Variants in CLVS2 observed in about 807,000 individuals in gnomAD.
CLVS2 encodes the protein clavesin 2.
A neutral mutation model predicts 29.0 loss-of-function variants in CLVS2; 19 were observed. The ratio of observed to expected loss-of-function variants is 0.66; its 90% CI spans 0.46 to 0.96. CLVS2 has a LOEUF of 0.96. Ranked by LOEUF, CLVS2 falls within the 40% of genes least tolerant of loss-of-function variation. CLVS2 has a pLI of 0.00. For synonymous variants in CLVS2, 161 were observed against 151.3 expected (o/e 1.06, Z -0.47); for missense variants, 294 against 404.1 (o/e 0.73, Z 2.34).
chr6:123,051,742 A>C (rs1772615140), intron 4 of CLVS2, among the ~76,000 whole-genome samples: 1 of 152,198 alleles, frequency 6.6e-6, no homozygotes, highest in African/African-American at 2.4e-5. Context: ...AGAAAAGTAA[A>C]ATAAAAAATG....
At chr6:123,046,669 AAAAAT>A (rs1266928027) in intron 3 of CLVS2, among the ~76,000 whole-genome samples, 3 of 151,754 alleles carry the variant, frequency 2.0e-5, no homozygotes, top group Non-Finnish European at 2.9e-5. Flanking sequence ...AAAAAAAAAA[AAAAAT>A]AATAATAATA....
At chr6:123,047,571 G>C (rs1264162807) in intron 3 of CLVS2, among the ~76,000 whole-genome samples, 1 of 151,924 alleles carries the variant, frequency 6.6e-6, no homozygotes, top group Non-Finnish European at 1.5e-5. Context: ...TTTTTATAGG[G>C]TTATGCCCTG....
Position 123,005,598 on chromosome 6 carries a change from C to T in CLVS2, c.390-5387C>T, listed in dbSNP as rs183910737. Among the ~76,000 whole-genome samples the T allele has an allele frequency of 3.2e-3, 480 of 152,242 alleles. 2 individuals are homozygous for T. The highest frequency in any genetic ancestry group is 5.7e-3 in the Non-Finnish European group (385 of 68,026). The stretch of plus-strand genomic sequence containing the variant: ...ATTTGTCATTAAGTTGATCTTTGCA[C>T]TGACTGAAAGCTATGGTAGAGGAGG... On this transcript the variant is annotated intron_variant, in intron 2 of 5. Coordinates refer to ENST00000275162, the MANE Select transcript of CLVS2 (RefSeq NM_001010852.4).
At chr6:123,003,459 C>T (rs1774619971) in intron 2 of CLVS2, among the ~76,000 whole-genome samples, 1 of 152,188 alleles carries the variant, frequency 6.6e-6, no homozygotes, top group South Asian at 2.1e-4. Context: ...ATCTATTTCA[C>T]TATTATAGTA....
chr6:123,025,563 T>C (rs912637247), intron 3 of CLVS2, among the ~76,000 whole-genome samples: 1 of 152,090 alleles, frequency 6.6e-6, no homozygotes. Flanking sequence ...TTCCCTTCCT[T>C]AGGACCAAGG....
At chr6:123,033,886 T>C (rs574234584) in intron 3 of CLVS2, among the ~76,000 whole-genome samples, 1 of 151,972 alleles carries the variant, frequency 6.6e-6, no homozygotes, top group African/African-American at 2.4e-5. Context: ...AACAATCCAA[T>C]AAGAATATGG....
chr6:123,003,938 G>A (rs1012685576), intron 2 of CLVS2, among the ~76,000 whole-genome samples: 1 of 152,102 alleles, frequency 6.6e-6, no homozygotes, highest in Non-Finnish European at 1.5e-5. Context: ...CATACAACTG[G>A]TAAGTGAATT....
In CLVS2 at chr6:123,068,454, A is replaced by G. The variant is rs1050883555; in HGVS notation, c.*4693A>G. On this transcript the variant is annotated 3_prime_UTR_variant, in exon 6 of 6. Transcript: ENST00000275162. ...AAAATAAATTTTAACCACAGTTTTA[A>G]GGGTCACCCAATCCTCAACTACTTT... 1 of 151,674 alleles carries G rather than the reference A, an allele frequency of 6.6e-6. No homozygotes were observed. The highest frequency in any genetic ancestry group is 2.4e-5 in the African/African-American group (1 of 41,392). The allele number at this position is 151,674 out of a possible 1,614,324, so 9.4% of individuals were successfully genotyped here.
intron 2 of CLVS2, among the ~76,000 whole-genome samples, chr6:123,006,922 G>A (rs34875746): frequency 0.026 from 4,004 of 152,138 alleles, 79 homozygotes; most frequent in Non-Finnish European, 0.035. Context: ...GATCGCAGCA[G>A]GGAACCAAAG....
Position 123,063,935 on chromosome 6 carries a change from G to T in CLVS2, c.*174G>T. ...GCCTGAACCATGGGGGCCCTGGGCT[G>T]GATTTTTAAAATGTCAATAATTTAT... On this transcript the variant is annotated 3_prime_UTR_variant, in exon 6 of 6. Coordinates refer to ENST00000275162, the MANE Select transcript of CLVS2 (RefSeq NM_001010852.4). 2.2e-6 allele frequency: 1 copy of T among 445,426 alleles called. No individual in the cohort carries two copies. The highest frequency in any genetic ancestry group is 4.0e-6 in the Non-Finnish European group (1 of 249,846). The allele number at this position is 445,426 out of a possible 1,614,324, so 27.6% of individuals were successfully genotyped here. A position where few individuals can be genotyped will look rare whatever the true frequency, so the allele number is the denominator to read the frequency against.
chr6:123,043,038 G>A (rs1229019165), intron 3 of CLVS2, among the ~76,000 whole-genome samples: 1 of 152,138 alleles, frequency 6.6e-6, no homozygotes, highest in East Asian at 1.9e-4. Flanking sequence ...GAGGGAATTA[G>A]CAATACCAAC....
intron 3 of CLVS2, among the ~76,000 whole-genome samples, chr6:123,030,835 A>AG (rs1022965677): frequency 7.8e-6 from 1 of 127,612 alleles, no homozygotes; most frequent in South Asian, 2.7e-4. Context: ...ATATATATAT[A>AG]AAATATATAT....
intron 4 of CLVS2, among the ~76,000 whole-genome samples, chr6:123,053,250 AG>A (rs1174278855): frequency 6.6e-6 from 1 of 152,150 alleles, no homozygotes; most frequent in Non-Finnish European, 1.5e-5. Flanking sequence ...AGGCTGAGGC[AG>A]GAGAATCGCT....
rs746030546 is a variant in CLVS2, at chr6:123,055,797, C to T, written c.676-9C>T. The T allele has an allele frequency of 6.3e-7, 1 of 1,589,926 alleles. No homozygotes were observed. The highest frequency in any genetic ancestry group is 1.1e-5 in the South Asian group (1 of 90,588). ...TCTTTCCCTTCCTCCCGTCTTCTTG[C>T]ATTTATAGATATTTTTGCATGGTAA... On this transcript the variant is annotated splice_polypyrimidine_tract_variant and intron_variant, in intron 4 of 5. Transcript: ENST00000275162.
In CLVS2 at chr6:123,039,921, G is replaced by A. The variant is rs117260300; in HGVS notation, c.565-8701G>A. On this transcript the variant is annotated intron_variant, in intron 3 of 5. Transcript: ENST00000275162. ...TCTACTTTAAGTTGTCTATATTTAC[G>A]GTACTCAGGACTCAGACATTTCACT... 9.9e-3 allele frequency among the ~76,000 whole-genome samples: 1,501 copies of A among 152,090 alleles called. 11 individuals carry two copies. The highest frequency in any genetic ancestry group is 0.041 in the Middle Eastern group (12 of 294).
At chr6:123,047,373 T>G (rs1772532379) in intron 3 of CLVS2, among the ~76,000 whole-genome samples, 1 of 152,142 alleles carries the variant, frequency 6.6e-6, no homozygotes, top group Non-Finnish European at 1.5e-5. Flanking sequence ...AGTAAGACAC[T>G]GGCATAAAAA....
chr6:123,036,331 C>A (rs1775153615), intron 3 of CLVS2, among the ~76,000 whole-genome samples: 1 of 152,162 alleles, frequency 6.6e-6, no homozygotes, highest in Non-Finnish European at 1.5e-5. Flanking sequence ...GAATTCTACT[C>A]AGGCCATCTG....
intron 3 of CLVS2, among the ~76,000 whole-genome samples, chr6:123,027,866 G>A (rs1370618546): frequency 6.6e-6 from 1 of 152,084 alleles, no homozygotes; most frequent in African/African-American, 2.4e-5. Flanking sequence ...GCTTGAGAAG[G>A]TTTATATTTG....
chr6:123,003,617 C>A (rs911711137), intron 2 of CLVS2, among the ~76,000 whole-genome samples: 2 of 152,002 alleles, frequency 1.3e-5, no homozygotes, highest in Admixed American at 1.3e-4. Context: ...ATGTACATAG[C>A]ATTTTAGTAG....
Sources: allele counts gnomAD v4.1 joint callset (sites outside exome capture counted in the v4.1 genomes callset), GRCh38; gene constraint gnomAD v4.1.1; transcripts MANE v1.5; gene names NCBI Gene and HGNC (gene_info 2026-07-23, HGNC 2026-07-21).